Variants in MIB1 observed in about 807,000 individuals in gnomAD.
MIB1 encodes the protein MIB E3 ubiquitin protein ligase 1, also known as E3 ubiquitin-protein ligase MIB1.
In MIB1, 278 loss-of-function variants were observed where a neutral mutation model predicts 124.5. That is an observed-to-expected ratio of 2.23 (90% CI 2.02 to 2.47). MIB1 has a LOEUF of 2.47. Among genes scored for constraint, MIB1 ranks in the 30% most tolerant of loss-of-function variants. The pLI is 0.00. For synonymous variants in MIB1, 446 were observed against 429.4 expected, an observed-to-expected ratio of 1.04 and a Z score of -0.48; for missense variants, 957 against 1,254.4, an observed-to-expected ratio of 0.76 and a Z score of 3.58.
In MIB1 at chr18:21,870,790, GA is replaced by G. The variant is rs1555697728; in HGVS notation, c.*6130del. ...CTGAAAAAATATCTTTTGTTTATTT[GA>G]AAAAAGCATATATATTCCAACTTTA... On this transcript the variant is annotated 3_prime_UTR_variant, in exon 21 of 21. Transcript: ENST00000261537. The G allele has an allele frequency of 6.6e-6, 1 of 151,948 alleles. No homozygotes were observed. Among genetic ancestry groups the G allele is most frequent in the African/African-American group, 2.4e-5 (1 of 41,390 alleles). The allele number at this position is 151,948 out of a possible 1,614,324, so 9.4% of individuals were successfully genotyped here. A position where few individuals can be genotyped will look rare whatever the true frequency, so the allele number is the denominator to read the frequency against.
At chr18:21,755,999 C>A (rs1399542009) in intron 1 of MIB1, among the ~76,000 whole-genome samples, 1 of 152,058 alleles carries the variant, frequency 6.6e-6, no homozygotes, top group Non-Finnish European at 1.5e-5. Context: ...GATAATAAAT[C>A]CCGAGAGCTT....
In MIB1 at chr18:21,868,095, T is replaced by G. The variant is rs1767769791; in HGVS notation, c.*3429T>G. On this transcript the variant is annotated 3_prime_UTR_variant, in exon 21 of 21. Transcript: ENST00000261537. ...GTAATAATTTGTGTAAAAAATTGAA[T>G]TTTTGAATAGTTTTTTGTATTTTTT... 1 of 152,030 alleles carries G rather than the reference T, an allele frequency of 6.6e-6. No individual in the cohort carries two copies. The highest frequency in any genetic ancestry group is 1.5e-5 in the Non-Finnish European group (1 of 67,916). The allele number at this position is 152,030 out of a possible 1,614,324, so 9.4% of individuals were successfully genotyped here.
Position 21,718,481 on chromosome 18 carries a change from A to G in MIB1, n.167+13358A>G, listed in dbSNP as rs139071150. Reference sequence around the variant, plus strand: ...CAGCTGAAGTGTCAGACATGTGAGTAAAGAAGCCACCTTGGAATGTTCAGC... The same window carrying G: ...CAGCTGAAGTGTCAGACATGTGAGTGAAGAAGCCACCTTGGAATGTTCAGC... On this transcript the variant is annotated intron_variant and non_coding_transcript_variant, in intron 1 of 20. Transcript: ENST00000578646. 9.2e-5 allele frequency among the ~76,000 whole-genome samples: 14 copies of G among 152,348 alleles called. No individual in the cohort carries two copies. In the East Asian group the frequency reaches 2.7e-3, roughly 29 times the overall value.
intron 4 of MIB1, among the ~76,000 whole-genome samples, chr18:21,774,762 G>C (rs192825092): frequency 6.6e-6 from 1 of 151,916 alleles, no homozygotes; most frequent in East Asian, 1.9e-4. Context: ...AATGGAGGAA[G>C]TATCCCAGTG....
chr18:21,835,822 CACACACACACACACACAA>C (rs1245240793), intron 12 of MIB1, among the ~76,000 whole-genome samples: 1,054 of 58,614 alleles, frequency 0.018, 14 homozygotes, highest in Non-Finnish European at 0.027. Flanking sequence ...CACACACACA[CACACACACACACACACAA>C]ACACACACGA....
intron 1 of MIB1, among the ~76,000 whole-genome samples, chr18:21,706,238 C>T (rs1230349854): frequency 6.6e-6 from 1 of 152,158 alleles, no homozygotes; most frequent in African/African-American, 2.4e-5. Context: ...TGCACAACCA[C>T]ACCCAGCTAA....
Position 21,844,083 on chromosome 18 carries a change from C to T in MIB1, c.2050-9C>T, listed in dbSNP as rs749616327. ...CACTTTGCCAAAATGAGACATCTTT[C>T]TCTTTTAGCTTTTGGTCCGTGCAGG... On this transcript the variant is annotated splice_polypyrimidine_tract_variant and intron_variant, in intron 14 of 20. Transcript: ENST00000261537. The T allele has an allele frequency of 6.2e-7, 1 of 1,612,702 alleles. No individual in the cohort carries two copies. The highest frequency in any genetic ancestry group is 1.1e-5 in the South Asian group (1 of 90,942).
chr18:21,735,549 G>C (rs1344622918), intron 1 of MIB1, among the ~76,000 whole-genome samples: 1 of 152,134 alleles, frequency 6.6e-6, no homozygotes, highest in Non-Finnish European at 1.5e-5. Context: ...TGGAAAGGGG[G>C]CTGAAGCCAG....
At chr18:21,726,545 A>G (rs2040743040) in intron 1 of MIB1, among the ~76,000 whole-genome samples, 1 of 152,136 alleles carries the variant, frequency 6.6e-6, no homozygotes, top group Non-Finnish European at 1.5e-5. Context: ...ATCATGCCCA[A>G]TAGAGTTCCG....
At chr18:21,793,385 A>G (rs866521081) in intron 7 of MIB1, among the ~76,000 whole-genome samples, 10 of 152,226 alleles carry the variant, frequency 6.6e-5, no homozygotes, top group African/African-American at 9.6e-5. Flanking sequence ...GGACAAAGGA[A>G]GGAGAAGGTC....
At chr18:21,793,904 CT>C (rs983494049) in intron 7 of MIB1, 1 of 151,034 alleles carries the variant, frequency 6.6e-6, no homozygotes, top group African/African-American at 2.4e-5. Flanking sequence ...TAGTGTGTAC[CT>C]GTAGTCCCAG....
chr18:21,846,970 G>C lies in MIB1; in HGVS notation c.2238G>C (p.Gly746=). 1 of 1,613,958 alleles carries C rather than the reference G, an allele frequency of 6.2e-7. No homozygotes were observed. Among genetic ancestry groups the C allele is most frequent in the Non-Finnish European group, 8.5e-7 (1 of 1,179,950 alleles). ...NTLIMGLGTQ[G]AEKKSAASIA... Reference sequence around the variant, plus strand: ...TAATAATGGGACTTGGTACCCAGGGGGCAGAGAAGAAGAGTGCAGCATCTA... The same window carrying C: ...TAATAATGGGACTTGGTACCCAGGGCGCAGAGAAGAAGAGTGCAGCATCTA... Residue 746 remains glycine, a synonymous_variant, in exon 16 of 21, where the codon GGG becomes GGC. Coordinates refer to ENST00000261537, the MANE Select transcript of MIB1 (RefSeq NM_020774.4).
At chr18:21,783,042 T>C (rs1326726291) in intron 6 of MIB1, among the ~76,000 whole-genome samples, 2 of 152,142 alleles carry the variant, frequency 1.3e-5, no homozygotes, top group Non-Finnish European at 2.9e-5. Context: ...GTTTTTACAG[T>C]CTTTAACTTA....
Position 21,812,241 on chromosome 18 carries a change from A to G in MIB1, c.1480-3375A>G, listed in dbSNP as rs191018959. On this transcript the variant is annotated intron_variant, in intron 10 of 20. Transcript: ENST00000261537. ...AGCATATGAAAATGTATAGGATCCC[A>G]TAAGTTGATAAGTTGGAGCCTGATA... 5.0e-4 allele frequency among the ~76,000 whole-genome samples: 76 copies of G among 152,322 alleles called. No individual in the cohort carries two copies. The East Asian group carries it at 0.011, about 23-fold the overall frequency.
intron 8 of MIB1, among the ~76,000 whole-genome samples, chr18:21,798,940 CT>C (rs1315452495): frequency 2.6e-5 from 4 of 152,072 alleles, no homozygotes; most frequent in Admixed American, 2.6e-4. Context: ...TTTTGTCCTG[CT>C]TTCTGCTTCC....
chr18:21,835,011 A>C (rs2042013805), intron 12 of MIB1, among the ~76,000 whole-genome samples: 1 of 152,232 alleles, frequency 6.6e-6, no homozygotes, highest in Non-Finnish European at 1.5e-5. Flanking sequence ...ATATTTAAAA[A>C]CAAAACCAAA....
intron 6 of MIB1, among the ~76,000 whole-genome samples, chr18:21,784,643 A>C (rs2041412811): frequency 6.6e-6 from 1 of 152,138 alleles, no homozygotes; most frequent in Non-Finnish European, 1.5e-5. Flanking sequence ...GTAACCTAGG[A>C]AAGACCAGGC....
At chr18:21,714,835 A>G (rs2040681660) in intron 1 of MIB1, among the ~76,000 whole-genome samples, 1 of 152,176 alleles carries the variant, frequency 6.6e-6, no homozygotes, top group Admixed American at 6.5e-5. Context: ...GAGAGGAAAA[A>G]TAGCTCTGTG....
At chr18:21,714,632 A>G (rs1264408469) in intron 1 of MIB1, among the ~76,000 whole-genome samples, 1 of 152,096 alleles carries the variant, frequency 6.6e-6, no homozygotes, top group Non-Finnish European at 1.5e-5. Flanking sequence ...TGCTTTACCA[A>G]TAAAGGGAGT....
Sources: gnomAD v4.1 joint callset for allele counts (sites outside exome capture counted in the v4.1 genomes callset) on GRCh38, gnomAD v4.1.1 for gene constraint, MANE v1.5 for transcripts, NCBI Gene and HGNC (gene_info 2026-07-23, HGNC 2026-07-21) for gene names.